Variants in ASPH observed in about 807,000 individuals in gnomAD.
ASPH encodes aspartate beta-hydroxylase.
ASPH carries 100 observed loss-of-function variants against 118.4 expected under a neutral mutation model. That is an observed-to-expected ratio of 0.84 (90% confidence interval 0.72 to 1.00). The LOEUF (loss-of-function observed/expected upper bound fraction) is 1.00. ASPH is among the 50% of genes least tolerant of loss of function. The pLI, the probability that ASPH is intolerant of heterozygous loss-of-function variation, is 0.00. For synonymous variants in ASPH, 315 were observed against 325.6 expected, an observed-to-expected ratio of 0.97 and a Z score of 0.35; for missense variants, 920 against 919.5, an observed-to-expected ratio of 1.00 and a Z score of -0.01.
At position 61,503,582 on chromosome 8, in the gene ASPH, A is replaced by G. The variant is rs1437290123; in HGVS notation, c.2127-73T>C. 4.9e-6 allele frequency: 7 copies of G among 1,426,146 alleles called. No homozygotes were observed. The East Asian group carries it at 1.7e-4, about 35-fold the overall frequency. 88.3% of individuals were successfully genotyped at this position (1,426,146 alleles called of 1,614,324 possible). ...GATGTCTGAGGATCGATTCCTGTCC[A>G]TGTGCGAGAACTACCTTTGGTAACA... On this transcript the variant is annotated intron_variant, in intron 24 of 24. Coordinates refer to ENST00000379454, the MANE Select transcript of ASPH (RefSeq NM_004318.4).
intron 14 of ASPH, among the ~76,000 whole-genome samples, chr8:61,599,030 A>G (rs1447051949): frequency 6.6e-6 from 1 of 152,200 alleles, no homozygotes; most frequent in Non-Finnish European, 1.5e-5. Flanking sequence ...AAACACCTAC[A>G]ACAAAAATGT....
intron 13 of ASPH, chr8:61,632,055 T>C (rs1855862511): frequency 6.6e-6 from 1 of 152,158 alleles, no homozygotes; most frequent in Admixed American, 6.6e-5. Context: ...ATCAGGCTAA[T>C]TAATTACTAA....
At position 61,684,186 on chromosome 8, in the gene ASPH, T is replaced by C. The variant is rs1829477231; in HGVS notation, c.106A>G (p.Thr36Ala). The change falls in exon 2 of 25, where the codon ACA (threonine) becomes GCA (alanine). Residue 36 changes from threonine to alanine, a missense_variant and splice_region_variant. Physicochemically the swap from Thr to Ala is moderately conservative, Grantham distance 58. Coordinates refer to ENST00000379454, the MANE Select transcript of ASPH (RefSeq NM_004318.4). ...CCATTCTTGTGTCCTCCATGCTTTG[T>C]CTCTGTTTAGAAATAAATGTAAGAT... is the stretch of plus-strand genomic sequence containing the variant. ...GSSSPGARRE[T>A]KHGGHKNGRK... 1 of 1,609,898 alleles carries C rather than the reference T, an allele frequency of 6.2e-7. No individual in the cohort carries two copies. Among genetic ancestry groups the C allele is most frequent in the Non-Finnish European group, 8.5e-7 (1 of 1,178,180 alleles).
chr8:61,610,829 A>T (rs1490206982), intron 14 of ASPH, among the ~76,000 whole-genome samples: 1 of 152,212 alleles, frequency 6.6e-6, no homozygotes, highest in African/African-American at 2.4e-5. Context: ...GACAAGGCTA[A>T]AGCATCTCCA....
chr8:61,545,534 A>G (rs2130782925), intron 21 of ASPH, among the ~76,000 whole-genome samples: 1 of 152,342 alleles, frequency 6.6e-6, no homozygotes, highest in Middle Eastern at 3.4e-3. Flanking sequence ...CTGAACATAG[A>G]ATAGAAAGAG....
intron 3 of ASPH, among the ~76,000 whole-genome samples, chr8:61,673,450 A>G (rs1462646833): frequency 6.6e-6 from 1 of 152,206 alleles, no homozygotes; most frequent in Non-Finnish European, 1.5e-5. Context: ...ATGTCAGCAC[A>G]TCCGAATAAG....
Position 61,562,907 on chromosome 8 carries a change from T to TA in ASPH, c.1301-28dup, listed in dbSNP as rs377616799. On this transcript the variant is annotated intron_variant, in intron 17 of 24. Coordinates refer to ENST00000379454, the MANE Select transcript of ASPH (RefSeq NM_004318.4). ...TGAGTAGGTGGGAATTTAAAAAAAA[T>TA]AGAAATAAAAACAGATTATGTACAC... 6.9e-5 allele frequency: 107 copies of TA among 1,554,698 alleles called. 1 individual carries two copies. The African/African-American group carries it at 1.3e-3, about 18-fold the overall frequency.
chr8:61,667,225 T>C (rs949138690), intron 3 of ASPH, among the ~76,000 whole-genome samples: 2 of 152,172 alleles, frequency 1.3e-5, no homozygotes, highest in Admixed American at 6.5e-5. Context: ...CAGGCTTATA[T>C]AGAGGCATGC....
At chr8:61,582,686 A>T in intron 15 of ASPH, among the ~76,000 whole-genome samples, 1 of 152,206 alleles carries the variant, frequency 6.6e-6, no homozygotes, top group East Asian at 1.9e-4. Flanking sequence ...GCTCATTGGT[A>T]CACTTTCAAT....
intron 4 of ASPH, 65 bp from the exon 5 acceptor site, chr8:61,651,189 C>A: frequency 7.5e-7 from 1 of 1,327,320 alleles, no homozygotes; most frequent in Non-Finnish European, 1.1e-6. Context: ...CCCTAACACT[C>A]AAATATGACA....
At chr8:61,685,043 A>G (rs556894506) in intron 1 of ASPH, among the ~76,000 whole-genome samples, 1 of 152,166 alleles carries the variant, frequency 6.6e-6, no homozygotes, top group Non-Finnish European at 1.5e-5. Flanking sequence ...AGATGATGGA[A>G]GGCCAGGGCG....
chr8:61,574,736 C>T (rs898931723), intron 16 of ASPH, among the ~76,000 whole-genome samples: 3 of 152,094 alleles, frequency 2.0e-5, no homozygotes, highest in African/African-American at 7.2e-5. Context: ...AGGAGAAATA[C>T]CTAACATAGG....
intron 1 of ASPH, among the ~76,000 whole-genome samples, chr8:61,699,143 T>C (rs1420609769): frequency 6.6e-6 from 1 of 152,244 alleles, no homozygotes; most frequent in Non-Finnish European, 1.5e-5. Flanking sequence ...GAGGGCAGTC[T>C]TGTGAGAACT....
chr8:61,523,279 A>C (rs576038573), intron 22 of ASPH, among the ~76,000 whole-genome samples: 1 of 150,188 alleles, frequency 6.7e-6, no homozygotes, highest in East Asian at 2.0e-4. Context: ...ATAAGCTACG[A>C]TAGTACTTGC....
intron 21 of ASPH, among the ~76,000 whole-genome samples, chr8:61,537,244 A>C (rs1819971722): frequency 6.6e-6 from 1 of 152,264 alleles, no homozygotes; most frequent in Non-Finnish European, 1.5e-5. Context: ...ACTAAGGGAC[A>C]TCCTGAGTGA....
chr8:61,521,621 G>C (rs1325760293), intron 22 of ASPH, among the ~76,000 whole-genome samples: 1 of 152,214 alleles, frequency 6.6e-6, no homozygotes, highest in African/African-American at 2.4e-5. Flanking sequence ...AACTCAGCCT[G>C]AAGAGGAATG....
intron 10 of ASPH, among the ~76,000 whole-genome samples, chr8:61,641,384 T>C (rs1387980712): frequency 6.6e-6 from 1 of 152,178 alleles, no homozygotes; most frequent in African/African-American, 2.4e-5. Flanking sequence ...AATCCCATCA[T>C]TACATGCAAC....
At chr8:61,630,802 TCTTA>T (rs1003627171) in intron 13 of ASPH, among the ~76,000 whole-genome samples, 4 of 152,176 alleles carry the variant, frequency 2.6e-5, no homozygotes, top group African/African-American at 9.7e-5. Context: ...TAGACTATAT[TCTTA>T]CTTGTTAAAA....
intron 20 of ASPH, 143 bp from the exon 21 acceptor site, chr8:61,548,351 A>G: frequency 3.1e-6 from 3 of 980,816 alleles, no homozygotes; most frequent in Non-Finnish European, 4.3e-6. Context: ...AAATCTGTTG[A>G]AATCTGGTGA....
Sources: gnomAD v4.1 joint callset for allele counts (sites outside exome capture counted in the v4.1 genomes callset) on GRCh38, gnomAD v4.1.1 for gene constraint, MANE v1.5 for transcripts, NCBI Gene and HGNC (gene_info 2026-07-23, HGNC 2026-07-21) for gene names.